DIAPH3: variants seen among roughly 807,000 people sequenced by gnomAD.
DIAPH3 encodes diaphanous related formin 3.
Under a neutral mutation model 144.3 loss-of-function variants are expected in DIAPH3, and 117 were observed. The observed-to-expected ratio is 0.81, with a 90% confidence interval of 0.70 to 0.95. The LOEUF (loss-of-function observed/expected upper bound fraction) is 0.95. DIAPH3 is among the 40% of genes least tolerant of loss of function. The pLI is 0.00. For missense variants in DIAPH3, 1,421 were observed against 1,412.7 expected (o/e 1.01, Z -0.09); for synonymous variants, 519 against 488.9 (o/e 1.06, Z -0.81).
chr13:59,848,040 T>G (rs2042749172), intron 22 of DIAPH3, among the ~76,000 whole-genome samples: 1 of 152,224 alleles, frequency 6.6e-6, no homozygotes, highest in Admixed American at 6.5e-5. Context: ...GAGCGCATCT[T>G]GCTGGTTCTA....
At chr13:59,709,960 T>C (rs1408804657) in intron 27 of DIAPH3, among the ~76,000 whole-genome samples, 2 of 151,774 alleles carry the variant, frequency 1.3e-5, no homozygotes, top group African/African-American at 2.4e-5. Context: ...ATGGATGAAA[T>C]TGGAAATCAT....
At chr13:59,772,362 A>C (rs2038166593) in intron 27 of DIAPH3, among the ~76,000 whole-genome samples, 1 of 152,130 alleles carries the variant, frequency 6.6e-6, no homozygotes, top group African/African-American at 2.4e-5. Context: ...CAGAAATATG[A>C]ATAGAAAATA....
rs138042025 is a variant in DIAPH3, at chr13:60,013,318, G to A, written c.771+2595C>T. 1,359 of 631,364 alleles carry A rather than the reference G, an allele frequency of 2.2e-3. 56 individuals are homozygous for A. In the Admixed American group the frequency reaches 0.071, roughly 33 times the overall value. 39.1% of individuals were successfully genotyped at this position (631,364 alleles called of 1,614,324 possible). A position where few individuals can be genotyped will look rare whatever the true frequency, so the allele number is the denominator to read the frequency against. On this transcript the variant is annotated intron_variant, in intron 7 of 27. Transcript: ENST00000400324. ...AATGCTCTAAATCCTCGTGTAGGACGCCCAACATCTGGACGCACACAGCAT... is the reference window on the plus strand; with the variant it reads ...AATGCTCTAAATCCTCGTGTAGGACACCCAACATCTGGACGCACACAGCAT...
intron 24 of DIAPH3, among the ~76,000 whole-genome samples, chr13:59,818,524 AT>A (rs1441300172): frequency 6.6e-6 from 1 of 151,274 alleles, no homozygotes; most frequent in Non-Finnish European, 1.5e-5. Flanking sequence ...TTCATTATTT[AT>A]TTGAAGTGAG....
At chr13:60,104,686 A>G (rs1188331673) in intron 3 of DIAPH3, among the ~76,000 whole-genome samples, 1 of 152,324 alleles carries the variant, frequency 6.6e-6, no homozygotes, top group South Asian at 2.1e-4. Context: ...ATATTCAGAA[A>G]GCTGCACAAC....
chr13:60,147,193 C>T (rs1295904820), intron 1 of DIAPH3: 1 of 152,104 alleles, frequency 6.6e-6, no homozygotes, highest in East Asian at 1.9e-4. Flanking sequence ...AAAATGCTGC[C>T]AAGAATACCA....
chr13:60,101,403 A>G (rs2058264552), intron 3 of DIAPH3, among the ~76,000 whole-genome samples: 2 of 152,094 alleles, frequency 1.3e-5, no homozygotes, highest in Non-Finnish European at 1.5e-5. Flanking sequence ...ACACCTTGCT[A>G]TCACCCACAA....
chr13:59,922,366 A>C (rs2047560745), intron 18 of DIAPH3, among the ~76,000 whole-genome samples: 1 of 152,132 alleles, frequency 6.6e-6, no homozygotes, highest in Admixed American at 6.6e-5. Context: ...GAACTCAAAA[A>C]TATAGGAAAC....
chr13:59,895,417 T>C (rs2046028926), intron 20 of DIAPH3, among the ~76,000 whole-genome samples: 1 of 139,008 alleles, frequency 7.2e-6, no homozygotes, highest in African/African-American at 2.7e-5. Flanking sequence ...GGAAACTTGA[T>C]CCAATGTTAA....
intron 22 of DIAPH3, among the ~76,000 whole-genome samples, chr13:59,842,131 T>C (rs1477584028): frequency 6.6e-6 from 1 of 152,138 alleles, no homozygotes; most frequent in Non-Finnish European, 1.5e-5. Flanking sequence ...CCATATTCCC[T>C]GCCTAAACCC....
At chr13:59,855,179 C>T (rs1334625329) in intron 22 of DIAPH3, among the ~76,000 whole-genome samples, 2 of 152,134 alleles carry the variant, frequency 1.3e-5, no homozygotes, top group Non-Finnish European at 2.9e-5. Flanking sequence ...ACAACTTAAA[C>T]TTTTCATGCC....
At chr13:59,853,891 T>C (rs1194453730) in intron 22 of DIAPH3, among the ~76,000 whole-genome samples, 1 of 152,184 alleles carries the variant, frequency 6.6e-6, no homozygotes, top group Non-Finnish European at 1.5e-5. Flanking sequence ...TACTCAAAGA[T>C]GACAGTGCTA....
intron 3 of DIAPH3, among the ~76,000 whole-genome samples, chr13:60,103,867 T>C (rs1191550019): frequency 6.6e-6 from 1 of 152,210 alleles, no homozygotes; most frequent in African/African-American, 2.4e-5. Flanking sequence ...AATTCTGTTC[T>C]TAACTACATT....
At chr13:59,715,873 A>C (rs2035025144) in intron 27 of DIAPH3, among the ~76,000 whole-genome samples, 1 of 152,132 alleles carries the variant, frequency 6.6e-6, no homozygotes, top group East Asian at 1.9e-4. Context: ...CTTGCAGATA[A>C]AACATTTTTT....
At chr13:60,029,322 A>C (rs1190135627) in intron 5 of DIAPH3, among the ~76,000 whole-genome samples, 2 of 151,974 alleles carry the variant, frequency 1.3e-5, no homozygotes, top group African/African-American at 2.4e-5. Flanking sequence ...CTCCTAATTC[A>C]TGTGACTACT....
chr13:59,813,521 G>T (rs993750734), intron 24 of DIAPH3, among the ~76,000 whole-genome samples: 3 of 152,052 alleles, frequency 2.0e-5, no homozygotes, highest in African/African-American at 7.2e-5. Context: ...TTATGGTCAT[G>T]TATATTAAGA....
chr13:59,676,627 T>C (rs546161846), intron 27 of DIAPH3, among the ~76,000 whole-genome samples: 3 of 152,324 alleles, frequency 2.0e-5, no homozygotes, highest in African/African-American at 4.8e-5. Flanking sequence ...CTGTCATTTC[T>C]ATAATGAACA....
rs531791483 is a variant in DIAPH3, at chr13:59,774,725, C to T, written c.3259+3G>A. 2 of 1,613,696 alleles carry T rather than the reference C, an allele frequency of 1.2e-6. No homozygotes were observed. The highest frequency in any genetic ancestry group is 4.5e-5 in the East Asian group (2 of 44,874). Reference sequence around the variant, plus strand: ...AGTAACATGAAACAAGTATAGGGTTCACCTTTTGGCATCGGTGTCCTTTTT... The same window carrying T: ...AGTAACATGAAACAAGTATAGGGTTTACCTTTTGGCATCGGTGTCCTTTTT... On this transcript the variant is annotated splice_donor_region_variant and intron_variant, in intron 26 of 27. Transcript: ENST00000400324.
chr13:60,110,657 C>T (rs752218626), intron 3 of DIAPH3, among the ~76,000 whole-genome samples: 4 of 152,084 alleles, frequency 2.6e-5, no homozygotes, highest in Non-Finnish European at 2.9e-5. Flanking sequence ...TGTCTCATCC[C>T]TTAGCAAATT....
Sources: gnomAD v4.1 joint callset for allele counts (sites outside exome capture counted in the v4.1 genomes callset) on GRCh38, gnomAD v4.1.1 for gene constraint, MANE v1.5 for transcripts, NCBI Gene and HGNC (gene_info 2026-07-23, HGNC 2026-07-21) for gene names.